TENM4: variants seen among roughly 807,000 people sequenced by gnomAD.
The protein encoded by TENM4 is teneurin-4.
TENM4 carries 82 observed loss-of-function variants against 243.3 expected under a neutral mutation model. The observed-to-expected ratio is 0.34, with a 90% CI of 0.28 to 0.40. The LOEUF is 0.40. TENM4 is among the 10% of genes least tolerant of loss of function. The pLI, the probability that TENM4 is intolerant of heterozygous loss-of-function variation, is 1.00. For synonymous variants in TENM4, 1,412 were observed against 1,456.3 expected (o/e 0.97, Z 0.69); for missense variants, 3,138 against 3,673.3 (o/e 0.85, Z 3.77).
chr11:78,967,157 A>T (rs1190004933), intron 6 of TENM4, among the ~76,000 whole-genome samples: 1 of 152,004 alleles, frequency 6.6e-6, no homozygotes, highest in African/African-American at 2.4e-5. Context: ...CACCCCCTCT[A>T]GGTGCTCCCA....
chr11:79,252,734 C>A (rs1298558734), intron 2 of TENM4, among the ~76,000 whole-genome samples: 6 of 152,292 alleles, frequency 3.9e-5, no homozygotes, highest in African/African-American at 1.2e-4. Context: ...TGACCTCTCC[C>A]TTCTGCTGCC....
intron 6 of TENM4, among the ~76,000 whole-genome samples, chr11:79,022,636 A>G (rs1201214367): frequency 6.6e-6 from 1 of 152,244 alleles, no homozygotes; most frequent in Non-Finnish European, 1.5e-5. Flanking sequence ...GGTTTTTAAA[A>G]GACACACACG....
At chr11:78,768,480 A>C (rs1856585084) in intron 18 of TENM4, among the ~76,000 whole-genome samples, 1 of 152,208 alleles carries the variant, frequency 6.6e-6, no homozygotes, top group African/African-American at 2.4e-5. Context: ...ACTGCATTGC[A>C]ATTACTTGCT....
At chr11:78,813,452 A>G (rs1389716478) in intron 13 of TENM4, among the ~76,000 whole-genome samples, 1 of 152,130 alleles carries the variant, frequency 6.6e-6, no homozygotes, top group Non-Finnish European at 1.5e-5. Context: ...GCAGTTGTCT[A>G]TTTACTTGTC....
At chr11:79,139,885 A>G (rs1480207264) in intron 4 of TENM4, among the ~76,000 whole-genome samples, 1 of 146,160 alleles carries the variant, frequency 6.8e-6, no homozygotes, top group Non-Finnish European at 1.5e-5. Context: ...CCTCTAGAGA[A>G]CGCTGAGTAA....
chr11:78,699,696 G>A (rs776763373), intron 28 of TENM4, among the ~76,000 whole-genome samples: 2 of 152,176 alleles, frequency 1.3e-5, no homozygotes, highest in Non-Finnish European at 1.5e-5. Context: ...AACTATAGCT[G>A]TATATTTCAT....
rs915893600 is a variant in TENM4 at position 78,655,177 on chromosome 11, G to A, written c.*2881C>T. The A allele has an allele frequency of 2.0e-5, 3 of 152,314 alleles. No homozygotes were observed. The highest frequency in any genetic ancestry group is 4.8e-5 in the African/African-American group (2 of 41,426). The allele number at this position is 152,314 out of a possible 1,614,324, so 9.4% of individuals were successfully genotyped here. On this transcript the variant is annotated 3_prime_UTR_variant, in exon 34 of 34. Coordinates refer to ENST00000278550, the MANE Select transcript of TENM4 (RefSeq NM_001098816.3). ...GGAGGGAGTCACTGAGTCACCTGCA[G>A]CCCAAATGGAAACCAACTCAAAAGG...
chr11:78,805,578 C>T, intron 14 of TENM4, 86 bp from the exon 15 acceptor site: 1 of 1,459,522 alleles, frequency 6.9e-7, no homozygotes, highest in South Asian at 1.2e-5. Flanking sequence ...GCTTTGTGGC[C>T]AAGGGGCTTC....
intron 12 of TENM4, among the ~76,000 whole-genome samples, chr11:78,832,516 T>C (rs1307548014): frequency 6.6e-6 from 1 of 152,266 alleles, no homozygotes; most frequent in East Asian, 1.9e-4. Context: ...TTAATAGAGT[T>C]GGGCTTTAAA....
chr11:79,388,221 C>G (rs1858157223), intron 1 of TENM4, among the ~76,000 whole-genome samples: 1 of 152,168 alleles, frequency 6.6e-6, no homozygotes, highest in Non-Finnish European at 1.5e-5. Flanking sequence ...GGTTCAGAAA[C>G]AGTGACAGTG....
rs369421583 is a variant in TENM4, at chr11:79,037,015, C to CAA, written c.493+27721_493+27722dup. The stretch of plus-strand genomic sequence containing the variant: ...TGGGCAACAGAACAAGACTCCATCT[C>CAA]AAAAAAAAAAAAAAAAAAAAAAAAA... On this transcript the variant is annotated intron_variant, in intron 6 of 33. Transcript: ENST00000278550. Among the ~76,000 whole-genome samples, 136 of 91,100 alleles carry CAA rather than the reference C, an allele frequency of 1.5e-3. 2 individuals carry two copies. Among genetic ancestry groups the CAA allele is most frequent in the African/African-American group, 4.8e-3 (129 of 26,926 alleles). The allele number at this position is 91,100 out of a possible 152,430, so 59.8% of individuals were successfully genotyped here.
chr11:78,690,127 G>A (rs1471448775), intron 28 of TENM4, among the ~76,000 whole-genome samples: 3 of 152,210 alleles, frequency 2.0e-5, no homozygotes, highest in African/African-American at 7.2e-5. Context: ...GAAAAGGTCA[G>A]TCTGGCCTAG....
At chr11:78,749,593 C>T (rs570116643) in intron 19 of TENM4, among the ~76,000 whole-genome samples, 1 of 152,246 alleles carries the variant, frequency 6.6e-6, no homozygotes, top group African/African-American at 2.4e-5. Context: ...AACTGCTATG[C>T]CACTGACGCT....
intron 1 of TENM4, among the ~76,000 whole-genome samples, chr11:79,410,704 A>G (rs529778491): frequency 6.6e-6 from 1 of 152,334 alleles, no homozygotes; most frequent in Non-Finnish European, 1.5e-5. Context: ...GGCCATCTCA[A>G]AATTAGGAAT....
At chr11:79,070,140 A>C (rs1455061742) in intron 4 of TENM4, 131 bp from the exon 5 acceptor site, 2 of 1,120,084 alleles carry the variant, frequency 1.8e-6, no homozygotes, top group Middle Eastern at 6.1e-4. Flanking sequence ...GTACCGCTCC[A>C]CCACTACGCA....
chr11:79,289,314 A>T (rs567110162), intron 2 of TENM4, among the ~76,000 whole-genome samples: 1 of 152,344 alleles, frequency 6.6e-6, no homozygotes, highest in East Asian at 1.9e-4. Context: ...GGCCAAATGT[A>T]GTTAATGCTG....
chr11:78,946,925 G>A (rs1857012077), intron 6 of TENM4, among the ~76,000 whole-genome samples: 1 of 152,126 alleles, frequency 6.6e-6, no homozygotes, highest in African/African-American at 2.4e-5. Flanking sequence ...CAAAGAGAGT[G>A]GTTTCTTGTG....
At chr11:78,809,862 C>A (rs1857460882) in intron 14 of TENM4, among the ~76,000 whole-genome samples, 1 of 152,106 alleles carries the variant, frequency 6.6e-6, no homozygotes. Context: ...ACAGGTCTTT[C>A]CCCCAAAAAT....
rs376695919 is a variant in TENM4, at chr11:79,384,937, T to TAAAATAAAATAAAA, written c.-321+55571_-321+55572insTTTTATTTTATTTT. Among the ~76,000 whole-genome samples the TAAAATAAAATAAAA allele has an allele frequency of 5.2e-5, 6 of 114,408 alleles. 1 individual carries two copies. The highest frequency in any genetic ancestry group is 3.0e-4 in the South Asian group (1 of 3,346). 75.1% of individuals were successfully genotyped at this position (114,408 alleles called of 152,430 possible). On this transcript the variant is annotated intron_variant, in intron 1 of 33. Transcript: ENST00000278550. ...CAAGACTCCGTCTCAAAAAATAAAA[T>TAAAATAAAATAAAA]TAAAATAAAATAAAATAAAATAAAA...
Sources: allele counts gnomAD v4.1 joint callset (sites outside exome capture counted in the v4.1 genomes callset), GRCh38; gene constraint gnomAD v4.1.1; transcripts MANE v1.5; gene names NCBI Gene and HGNC (gene_info 2026-07-23, HGNC 2026-07-21).